CCDC22: variants seen among roughly 807,000 people sequenced by gnomAD.
The protein encoded by CCDC22 is CCC complex scaffolding subunit CCDC22.
Under a neutral mutation model 53.1 loss-of-function variants are expected in CCDC22, and 4 were observed. The observed-to-expected ratio is 0.08, with a 90% CI of 0.04 to 0.17. The LOEUF (loss-of-function observed/expected upper bound fraction) is 0.17, where lower values mean the gene tolerates loss of function less well. Ranked by LOEUF, CCDC22 falls within the 10% of genes least tolerant of loss-of-function variation. The probability of loss-of-function intolerance (pLI) is 1.00; values close to 1 mark genes in which losing one functional copy is unlikely to be tolerated. For missense variants in CCDC22, 458 were observed against 554.0 expected (o/e 0.83, Z 1.74); for synonymous variants, 222 against 224.4 (o/e 0.99, Z 0.10).
At chrX:49,249,871 G>A in intron 16 of CCDC22, 146 bp downstream of exon 16, 2 of 540,930 alleles carry the variant, frequency 3.7e-6, no homozygotes, top group South Asian at 2.9e-5. Flanking sequence ...GGACAGGCAA[G>A]TGGCCTACTG....
rs782060050 is a variant in CCDC22, at chrX:49,249,282, G to T, written c.1635+20G>T. ...TTCAAGGTGTGGGGCAGGTTGGGCG[G>T]GGGTGAGTGGGGTGAGGCTGGGCTG... On this transcript the variant is annotated intron_variant, in intron 14 of 16. Transcript: ENST00000376227. 9.1e-7 allele frequency: 1 copy of T among 1,093,700 alleles called. No individual in the cohort carries two copies. Among genetic ancestry groups the T allele is most frequent in the Admixed American group, 2.2e-5 (1 of 45,388 alleles). 90.1% of individuals were successfully genotyped at this position (1,093,700 alleles called of 1,213,427 possible).
At chrX:49,244,741 G>T (rs1299610580) in intron 6 of CCDC22, among the ~76,000 whole-genome samples, 1 of 111,418 alleles carries the variant, frequency 9.0e-6, no homozygotes, top group African/African-American at 3.3e-5. Context: ...TTTTTGTAGA[G>T]ATGGGGTTTT....
chrX:49,249,616 AC>A, intron 15 of CCDC22, 34 bp from the exon 16 acceptor site: 1 of 1,178,737 alleles, frequency 8.5e-7, no homozygotes, highest in Non-Finnish European at 1.1e-6. Flanking sequence ...GGTGGGTGGG[AC>A]TGGGTGCAAG....
intron 13 of CCDC22, 54 bp downstream of exon 13, chrX:49,248,978 G>T (rs2066007779): frequency 5.9e-6 from 7 of 1,180,409 alleles, no homozygotes; most frequent in Non-Finnish European, 6.8e-6. Context: ...GGCATAGTGT[G>T]GCCGCACAGG....
intron 2 of CCDC22, 117 bp downstream of exon 2, chrX:49,237,380 T>TG (rs2065942907): frequency 1.0e-5 from 7 of 680,819 alleles, no homozygotes; most frequent in South Asian, 2.9e-5. Flanking sequence ...CTGCAACACT[T>TG]GCCTTTCCTC....
Position 49,243,384 on chromosome X carries a change from G to T in CCDC22, c.636G>T (p.Leu212=), listed in dbSNP as rs1557113715. 8.3e-7 allele frequency: 1 copy of T among 1,205,649 alleles called. No individual in the cohort carries two copies. The highest frequency in any genetic ancestry group is 1.1e-6 in the Non-Finnish European group (1 of 892,308). Reference sequence around the variant, plus strand: ...CCTCGCTCCTCGAACACCATGCCCTGCAGCTCTGCCAGCAGACGGGCCGGG... The same window carrying T: ...CCTCGCTCCTCGAACACCATGCCCTTCAGCTCTGCCAGCAGACGGGCCGGG... ...RVASLLEHHA[L]QLCQQTGRDR... Residue 212 remains leucine (L), a synonymous_variant, in exon 6 of 17, where the codon CTG becomes CTT. Coordinates refer to ENST00000376227, the MANE Select transcript of CCDC22 (RefSeq NM_014008.5).
chrX:49,247,548 G>A lies in CCDC22; in HGVS notation c.962G>A (p.Arg321Gln), dbSNP rs140735182. 3.9e-4 allele frequency: 466 copies of A among 1,196,697 alleles called. No homozygotes were observed. Among genetic ancestry groups the A allele is most frequent in the Middle Eastern group, 3.3e-3 (14 of 4,245 alleles). Residue 321 changes from arginine to glutamine, a missense_variant, in exon 8 of 17, where the codon CGG (arginine) becomes CAG (glutamine). Around this residue, in one of 4 missense-constraint regions of CCDC22, gnomAD observed 309 missense variants for 312.3 expected, o/e 0.99. Transcript: ENST00000376227. ...TCAGATGTGCCAGCCACCTCCCGGCGGCCTGAACAGGTGAGCAGAGTGGTT... is the reference window on the plus strand; with the variant it reads ...TCAGATGTGCCAGCCACCTCCCGGCAGCCTGAACAGGTGAGCAGAGTGGTT... Reference protein sequence around the residue: ...QVSDVPATSRRPEQVTWAAQE... With the variant: ...QVSDVPATSRQPEQVTWAAQE...
At position 49,250,198 on chromosome X, in the gene CCDC22, G is replaced by A; in HGVS notation, c.1821G>A (p.Arg607=). Residue 607 remains arginine (R), a synonymous_variant, in exon 17 of 17, where the codon CGG becomes CGA. Coordinates refer to ENST00000376227, the MANE Select transcript of CCDC22 (RefSeq NM_014008.5). ...KKTLSNLEKI[R]EDYRALRQEN... is the part of the protein sequence containing the mutation. The stretch of plus-strand genomic sequence containing the variant: ...CCCTCAGCAACCTGGAGAAGATCCG[G>A]GAGGACTACCGAGCCCTCCGCCAGG... 2 of 1,167,618 alleles carry A rather than the reference G, an allele frequency of 1.7e-6. No individual in the cohort carries two copies. The highest frequency in any genetic ancestry group is 2.3e-6 in the Non-Finnish European group (2 of 871,968).
At position 49,249,208 on chromosome X, in the gene CCDC22, C is replaced by T; in HGVS notation, c.1581C>T (p.Ser527=). The change falls in exon 14 of 17, where the codon TCC becomes TCT. Residue 527 remains serine, a synonymous_variant. Coordinates refer to ENST00000376227, the MANE Select transcript of CCDC22 (RefSeq NM_014008.5). ...DTKELQKEIN[S]LSGKLDRTFA... The stretch of plus-strand genomic sequence containing the variant: ...AGGAGCTTCAGAAGGAAATCAACTC[C>T]CTATCTGGGAAGCTGGACCGGACGT... 5.8e-6 allele frequency: 7 copies of T among 1,211,087 alleles called. No homozygotes were observed. The highest frequency in any genetic ancestry group is 1.7e-5 in the African/African-American group (1 of 57,843).
chrX:49,247,387 A>T, intron 7 of CCDC22, 109 bp from the exon 8 acceptor site: 1 of 691,648 alleles, frequency 1.4e-6, no homozygotes, highest in Non-Finnish European at 2.2e-6. Context: ...TCGGTGCTTC[A>T]GTGGGCATGC....
intron 16 of CCDC22, among the ~76,000 whole-genome samples, 161 bp downstream of exon 16, chrX:49,249,886 C>T (rs986512051): frequency 8.8e-6 from 1 of 113,046 alleles, no homozygotes; most frequent in Non-Finnish European, 1.9e-5. Context: ...CTACTGTGAG[C>T]CCCAGCTTCC....
rs1031657486 is a variant in CCDC22, at chrX:49,250,244, C to T, written c.1867C>T (p.Arg623Trp). The T allele has an allele frequency of 2.1e-5, 24 of 1,143,915 alleles. No homozygotes were observed. The highest frequency in any genetic ancestry group is 9.0e-5 in the African/African-American group (5 of 55,497). 94.3% of individuals were successfully genotyped at this position (1,143,915 alleles called of 1,213,427 possible). The change falls in exon 17 of 17, where the codon CGG (arginine) becomes TGG (tryptophan). Residue 623 changes from arginine to tryptophan, a missense_variant. Physicochemically the swap from Arg to Trp is moderately radical, Grantham distance 101 (BLOSUM62 -3). This residue lies in a region of CCDC22 where 46 missense variants were observed against 52.3 expected (regional missense o/e 0.88). Transcript: ENST00000376227. ...LRQENAGLLG[R>W]VREA ...CCAGGAGAACGCTGGCCTCCTAGGC[C>T]GGGTCCGGGAGGCCTGAGGAGCCGC...
At chrX:49,238,563 GAATA>G (rs2065949644) in intron 2 of CCDC22, among the ~76,000 whole-genome samples, 1 of 112,655 alleles carries the variant, frequency 8.9e-6, no homozygotes, top group African/African-American at 3.2e-5. Context: ...CTCTGTGACA[GAATA>G]AATAAAGTGC....
chrX:49,250,157 G>C lies in CCDC22; in HGVS notation c.1780G>C (p.Glu594Gln), dbSNP rs1557115193. ...GTTCACATTGCCTCAGATCGAGACA[G>C]AGCTGGGCAAGAAGACCCTCAGCAA... is the stretch of plus-strand genomic sequence containing the variant. ...VRDLEEQIETELGKKTLSNLE... is the reference protein window; with the variant it reads ...VRDLEEQIETQLGKKTLSNLE... The change falls in exon 17 of 17, where the codon GAG becomes CAG. Residue 594 changes from glutamate (E) to glutamine (Q), a missense_variant. Physicochemically the swap from Glu to Gln is conservative, Grantham distance 29. Transcript: ENST00000376227. 8.7e-7 allele frequency: 1 copy of C among 1,146,889 alleles called. No individual in the cohort carries two copies. The highest frequency in any genetic ancestry group is 1.2e-6 in the Non-Finnish European group (1 of 854,669). 94.5% of individuals were successfully genotyped at this position (1,146,889 alleles called of 1,213,427 possible). A position where few individuals can be genotyped will look rare whatever the true frequency, so the allele number is the denominator to read the frequency against.
intron 13 of CCDC22, 58 bp from the exon 14 acceptor site, chrX:49,249,109 T>G (rs1451026848): frequency 8.8e-7 from 1 of 1,140,957 alleles, no homozygotes; most frequent in Admixed American, 2.2e-5. Flanking sequence ...ATGAGGACCC[T>G]CCACTGCTAG....
intron 6 of CCDC22, among the ~76,000 whole-genome samples, chrX:49,244,910 A>G (rs1382137218): frequency 9.2e-6 from 1 of 108,785 alleles, no homozygotes; most frequent in Non-Finnish European, 1.9e-5. Context: ...CCATCTCTGT[A>G]TCTGTCCCCT....
chrX:49,241,401 C>T (rs1409271516), intron 2 of CCDC22, among the ~76,000 whole-genome samples: 2 of 105,446 alleles, frequency 1.9e-5, no homozygotes, highest in Non-Finnish European at 3.9e-5. Context: ...GTGGGAGGAT[C>T]ACTTGAGCCC....
intron 6 of CCDC22, among the ~76,000 whole-genome samples, chrX:49,243,837 G>A (rs377206614): frequency 1.8e-3 from 208 of 112,490 alleles, no homozygotes; most frequent in African/African-American, 6.4e-3. Context: ...CACCCAGGCT[G>A]GAGTGCAGTG....
chrX:49,237,375 AC>A (rs2065942858), intron 2 of CCDC22, 112 bp downstream of exon 2: 4 of 702,278 alleles, frequency 5.7e-6, no homozygotes, highest in Non-Finnish European at 8.3e-6. Context: ...TTCCTCTGCA[AC>A]ACTTGCCTTT....
Sources: allele counts gnomAD v4.1 joint callset (sites outside exome capture counted in the v4.1 genomes callset), GRCh38; gene constraint gnomAD v4.1.1; regional missense constraint gnomAD v4.1.1; transcripts MANE v1.5; gene names NCBI Gene and HGNC (gene_info 2026-07-23, HGNC 2026-07-21).